Variants in CUL3 observed in about 807,000 individuals in gnomAD.
The protein encoded by CUL3 is cullin-3.
CUL3 carries 19 observed loss-of-function variants against 89.1 expected under a neutral mutation model. The ratio of observed to expected loss-of-function variants is 0.21; its 90% CI spans 0.15 to 0.31. CUL3 has a LOEUF of 0.31. Among genes scored for constraint, CUL3 ranks in the 10% least tolerant of loss-of-function variants. CUL3 has a pLI of 1.00. For synonymous variants in CUL3, 351 were observed against 308.4 expected (o/e 1.14, Z -1.45); for missense variants, 469 against 942.3 (o/e 0.50, Z 6.58).
chr2:224,521,615 G>C (rs1393979975), intron 3 of CUL3, among the ~76,000 whole-genome samples: 1 of 151,890 alleles, frequency 6.6e-6, no homozygotes, highest in African/African-American at 2.4e-5. Context: ...ATTTTCAGTA[G>C]AGTTGGGGTT....
chr2:224,482,062 G>T lies in CUL3; in HGVS notation c.1859C>A (p.Thr620Lys). 2 of 1,591,860 alleles carry T rather than the reference G, an allele frequency of 1.3e-6. No individual in the cohort carries two copies. Among genetic ancestry groups the T allele is most frequent in the South Asian group, 1.2e-5 (1 of 84,026 alleles). The change falls in exon 14 of 16, where the codon ACA becomes AAA. Residue 620 changes from threonine (T) to lysine (K), a missense_variant. Physicochemically the swap from Thr to Lys is moderately conservative, Grantham distance 78. Around this residue, in one of 4 missense-constraint regions of CUL3, gnomAD observed 370 missense variants for 733.2 expected, o/e 0.50. Coordinates refer to ENST00000264414, the MANE Select transcript of CUL3 (RefSeq NM_003590.5). ...AACAAGCTCTCTTTCAGGGATATCT[G>T]TCTCTTGCTGAATTTCCTGAAATTT... ...KYTFEEIQQE[T>K]DIPERELVRA...
At chr2:224,521,507 T>C (rs1220254634) in intron 3 of CUL3, among the ~76,000 whole-genome samples, 2 of 151,814 alleles carry the variant, frequency 1.3e-5, no homozygotes, top group East Asian at 3.9e-4. Flanking sequence ...CTCGGTTCAC[T>C]GCAACTTCCG....
chr2:224,505,052 A>G (rs369858748), intron 8 of CUL3, among the ~76,000 whole-genome samples: 2 of 152,280 alleles, frequency 1.3e-5, no homozygotes, highest in East Asian at 1.9e-4. Flanking sequence ...TCTCTACTAG[A>G]AAGTTTTCTA....
At chr2:224,487,753 G>A (rs1297577969) in intron 13 of CUL3, among the ~76,000 whole-genome samples, 1 of 152,038 alleles carries the variant, frequency 6.6e-6, no homozygotes, top group Non-Finnish European at 1.5e-5. Flanking sequence ...TCGACTAACA[G>A]ACATCTATAG....
intron 2 of CUL3, among the ~76,000 whole-genome samples, chr2:224,540,506 A>G (rs1237342501): frequency 1.3e-5 from 2 of 152,016 alleles, no homozygotes; most frequent in Non-Finnish European, 2.9e-5. Context: ...TCAAAAGACA[A>G]CCCTAATTTT....
chr2:224,583,736 A>C (rs757505694), intron 1 of CUL3, among the ~76,000 whole-genome samples: 3 of 152,258 alleles, frequency 2.0e-5, no homozygotes, highest in Admixed American at 1.3e-4. Context: ...TTAGGAATTC[A>C]GAGAGGTCCT....
Position 224,471,675 on chromosome 2 carries a change from T to C in CUL3, c.*2570A>G. On this transcript the variant is annotated 3_prime_UTR_variant, in exon 16 of 16. Transcript: ENST00000264414. ...TAAGTTCACTGACATAAAGAATCCT[T>C]GCAATCACAACCACTTTTTGTGAGG... 4.6e-6 allele frequency: 1 copy of C among 218,910 alleles called. No individual in the cohort carries two copies. Among genetic ancestry groups the C allele is most frequent in the East Asian group, 6.7e-5 (1 of 14,828 alleles). 13.6% of individuals were successfully genotyped at this position (218,910 alleles called of 1,614,324 possible).
rs1310020701 is a variant in CUL3, at chr2:224,585,354, C to T, written c.-345G>A. On this transcript the variant is annotated 5_prime_UTR_variant, in exon 1 of 16. Coordinates refer to ENST00000264414, the MANE Select transcript of CUL3 (RefSeq NM_003590.5). ...CAAACATCTCACTGCGCAGGCCGAA[C>T]GTCGTCCTCCTCCTCCTCCTTCTCC... 3 of 400,494 alleles carry T rather than the reference C, an allele frequency of 7.5e-6. No individual in the cohort carries two copies. Among genetic ancestry groups the T allele is most frequent in the Admixed American group, 8.9e-5 (2 of 22,398 alleles). The allele number at this position is 400,494 out of a possible 1,614,324, so 24.8% of individuals were successfully genotyped here. A position where few individuals can be genotyped will look rare whatever the true frequency, so the allele number is the denominator to read the frequency against.
intron 1 of CUL3, chr2:224,569,627 A>G (rs1460500960): frequency 3.7e-6 from 3 of 814,542 alleles, no homozygotes; most frequent in African/African-American, 1.9e-5. Context: ...TTCAGATGAT[A>G]TAAAAAATAT....
At chr2:224,482,475 T>G (rs909722914) in intron 13 of CUL3, among the ~76,000 whole-genome samples, 2 of 152,050 alleles carry the variant, frequency 1.3e-5, no homozygotes, top group Non-Finnish European at 2.9e-5. Context: ...CTCTTTTGCT[T>G]AGTAATTTCT....
chr2:224,573,356 A>C (rs954181137), intron 1 of CUL3, among the ~76,000 whole-genome samples: 1 of 152,226 alleles, frequency 6.6e-6, no homozygotes, highest in Non-Finnish European at 1.5e-5. Context: ...TAGGTCAACT[A>C]GTAATAATAA....
chr2:224,499,025 C>T (rs1226990632), intron 11 of CUL3, among the ~76,000 whole-genome samples: 2 of 152,090 alleles, frequency 1.3e-5, no homozygotes, highest in Non-Finnish European at 2.9e-5. Flanking sequence ...ATGCTGAATA[C>T]TCAACAAAGA....
At chr2:224,491,897 G>A (rs1691996635) in intron 13 of CUL3, among the ~76,000 whole-genome samples, 1 of 152,096 alleles carries the variant, frequency 6.6e-6, no homozygotes, top group South Asian at 2.1e-4. Context: ...TCTTAATAAC[G>A]ATCTTTTCAA....
In CUL3 at chr2:224,472,496, T is replaced by A. The variant is rs1169815117; in HGVS notation, c.*1749A>T. The A allele has an allele frequency of 1.1e-5, 2 of 190,206 alleles. No homozygotes were observed. The highest frequency in any genetic ancestry group is 4.7e-5 in the African/African-American group (2 of 42,988). 11.8% of individuals were successfully genotyped at this position (190,206 alleles called of 1,614,324 possible). The stretch of plus-strand genomic sequence containing the variant: ...CCATTATAGAAAATTTCCAATTATG[T>A]CAAAATCAGAAGGTGAAACCCTTAG... On this transcript the variant is annotated 3_prime_UTR_variant, in exon 16 of 16. Coordinates refer to ENST00000264414, the MANE Select transcript of CUL3 (RefSeq NM_003590.5).
At chr2:224,514,297 A>G (rs983992151) in intron 4 of CUL3, among the ~76,000 whole-genome samples, 3 of 152,204 alleles carry the variant, frequency 2.0e-5, no homozygotes, top group African/African-American at 7.2e-5. Flanking sequence ...TTAAAGAAAA[A>G]AAAATACAAA....
At chr2:224,513,350 T>C (rs914633038) in intron 5 of CUL3, among the ~76,000 whole-genome samples, 174 bp downstream of exon 5, 6 of 152,154 alleles carry the variant, frequency 3.9e-5, no homozygotes, top group Admixed American at 6.5e-5. Flanking sequence ...TATCGATGAG[T>C]TGCTTAACTG....
At chr2:224,577,207 G>A (rs998003396) in intron 1 of CUL3, among the ~76,000 whole-genome samples, 5 of 152,182 alleles carry the variant, frequency 3.3e-5, no homozygotes, top group African/African-American at 4.8e-5. Context: ...CCTGTAAGGT[G>A]GGTCTCATTA....
rs866158000 is a variant in CUL3, at chr2:224,575,112, G to T, written c.66+9832C>A. 2.7e-4 allele frequency among the ~76,000 whole-genome samples: 41 copies of T among 152,324 alleles called. 1 individual carries two copies. Among genetic ancestry groups the T allele is most frequent in the Middle Eastern group, 3.4e-3 (1 of 294 alleles). Reference sequence around the variant, plus strand: ...CAGATTAAATAATATAATTGAAAGGGAAGAATGCTGAATGAACTTCGAACT... The same window carrying T: ...CAGATTAAATAATATAATTGAAAGGTAAGAATGCTGAATGAACTTCGAACT... On this transcript the variant is annotated intron_variant, in intron 1 of 15. Coordinates refer to ENST00000264414, the MANE Select transcript of CUL3 (RefSeq NM_003590.5).
At chr2:224,568,900 T>C (rs1329669519) in intron 1 of CUL3, among the ~76,000 whole-genome samples, 7 of 152,186 alleles carry the variant, frequency 4.6e-5, no homozygotes, top group Non-Finnish European at 1.0e-4. Context: ...GGCAAAATAA[T>C]TATGTTACTA....
Sources: gnomAD v4.1 joint callset for allele counts (sites outside exome capture counted in the v4.1 genomes callset) on GRCh38, gnomAD v4.1.1 for gene constraint, gnomAD v4.1.1 regional missense constraint, MANE v1.5 for transcripts, NCBI Gene and HGNC (gene_info 2026-07-23, HGNC 2026-07-21) for gene names.